KANK1: variants seen among roughly 807,000 people sequenced by gnomAD.
KANK1 encodes the protein KN motif and ankyrin repeat domains 1, also known as KN motif and ankyrin repeat domain-containing protein 1.
In KANK1, 109 loss-of-function variants were observed where a neutral mutation model predicts 106.2. The ratio of observed to expected loss-of-function variants is 1.03; its 90% CI spans 0.88 to 1.20. The LOEUF is 1.20. KANK1 is among the 50% of genes most tolerant of loss of function. KANK1 has a pLI of 0.00. For missense variants in KANK1, 2,399 were observed against 1,710.7 expected, an observed-to-expected ratio of 1.40 and a Z score of -7.10; for synonymous variants, 873 against 652.2, an observed-to-expected ratio of 1.34 and a Z score of -5.16.
chr9:601,302 G>C (rs138396525), intron 1 of KANK1, among the ~76,000 whole-genome samples: 1 of 151,742 alleles, frequency 6.6e-6, no homozygotes, highest in African/African-American at 2.4e-5. Context: ...GACCTTACTA[G>C]CATTCTATCC....
At chr9:738,916 C>T (rs1834560173) in intron 8 of KANK1, among the ~76,000 whole-genome samples, 1 of 152,182 alleles carries the variant, frequency 6.6e-6, no homozygotes, top group Non-Finnish European at 1.5e-5. Context: ...TTGATTTGAC[C>T]TTACTCCATG....
intron 1 of KANK1, among the ~76,000 whole-genome samples, chr9:625,295 A>T (rs10125751): frequency 0.031 from 4,759 of 152,264 alleles, 246 homozygotes; most frequent in African/African-American, 0.11. Flanking sequence ...AAAAACCGTT[A>T]AGTATTTATC....
At chr9:607,848 A>G (rs1265104110) in intron 1 of KANK1, among the ~76,000 whole-genome samples, 4 of 151,646 alleles carry the variant, frequency 2.6e-5, no homozygotes, top group South Asian at 2.1e-4. Flanking sequence ...AATTAGGCCA[A>G]TCTTTTGGAA....
intron 1 of KANK1, among the ~76,000 whole-genome samples, chr9:670,050 T>C (rs1448976271): frequency 2.0e-5 from 3 of 152,186 alleles, no homozygotes; most frequent in Non-Finnish European, 4.4e-5. Flanking sequence ...GCAAATATAT[T>C]TTTCAATTTC....
chr9:528,145 A>C (rs1053637180), intron 1 of KANK1, among the ~76,000 whole-genome samples: 1 of 151,990 alleles, frequency 6.6e-6, no homozygotes, highest in African/African-American at 2.4e-5. Flanking sequence ...TCGGGAAAAA[A>C]AAAAAAAAAA....
Position 711,513 on chromosome 9 carries a change from C to T in KANK1, c.747C>T (p.Ser249=), listed in dbSNP as rs1480765111. The T allele has an allele frequency of 1.2e-6, 2 of 1,613,852 alleles. No individual in the cohort carries two copies. The highest frequency in any genetic ancestry group is 8.5e-7 in the Non-Finnish European group (1 of 1,179,934). Residue 249 remains serine, a synonymous_variant, in exon 3 of 12, where the codon TCC becomes TCT. Coordinates refer to ENST00000382297, the MANE Select transcript of KANK1 (RefSeq NM_015158.5). ...ACAGCCCCCTGAGCTCAGGGATCTC[C>T]ACCCCAGTGACCAACGTGAGCCCCA... ...IRHSPLSSGI[S]TPVTNVSPMH...
chr9:501,624 A>G (rs980010676), upstream of KANK1, among the ~76,000 whole-genome samples: 5 of 151,832 alleles, frequency 3.3e-5, no homozygotes, highest in Admixed American at 6.6e-5. Context: ...ACACACACAC[A>G]CACACACACA....
intron 1 of KANK1, among the ~76,000 whole-genome samples, chr9:544,586 G>A (rs1012227061): frequency 5.3e-5 from 8 of 152,162 alleles, no homozygotes; most frequent in Non-Finnish European, 1.0e-4. Context: ...AACATATTTC[G>A]CTGGGGAACC....
At chr9:726,852 C>T (rs1054020686) in intron 3 of KANK1, among the ~76,000 whole-genome samples, 7 of 151,688 alleles carry the variant, frequency 4.6e-5, no homozygotes, top group Non-Finnish European at 8.8e-5. Flanking sequence ...CCCAGCTACT[C>T]GGGAGGCTGA....
At chr9:622,970 G>A (rs543878843) in intron 1 of KANK1, among the ~76,000 whole-genome samples, 15 of 152,092 alleles carry the variant, frequency 9.9e-5, no homozygotes, top group Middle Eastern at 3.4e-3. Flanking sequence ...AAAACACAGG[G>A]GAAAAAAGCT....
chr9:620,528 G>A (rs537748144), intron 1 of KANK1, among the ~76,000 whole-genome samples: 3 of 151,910 alleles, frequency 2.0e-5, no homozygotes, highest in East Asian at 1.9e-4. Context: ...TCTGCCTCCT[G>A]AGTAGCTGGG....
chr9:697,245 C>T (rs1217332382), intron 2 of KANK1, among the ~76,000 whole-genome samples: 1 of 152,124 alleles, frequency 6.6e-6, no homozygotes. Flanking sequence ...AGGCAGGGTC[C>T]AGGCCATGCC....
chr9:672,820 GAAAT>G lies in KANK1; in HGVS notation c.-83-4064_-83-4061del, dbSNP rs746252274. Among the ~76,000 whole-genome samples the G allele has an allele frequency of 9.9e-5, 15 of 152,126 alleles. 1 individual carries two copies. Among genetic ancestry groups the G allele is most frequent in the Admixed American group, 9.2e-4 (14 of 15,278 alleles). On this transcript the variant is annotated intron_variant, in intron 1 of 11. Transcript: ENST00000382297. ...ATGCATCAGCATCCTTCAGTCTCCCGAAATAAATAGACACAAAGACAAATTCTTT... is the reference window on the plus strand; with the variant it reads ...ATGCATCAGCATCCTTCAGTCTCCCGAAATAGACACAAAGACAAATTCTTT...
At position 731,441 on chromosome 9, in the gene KANK1, C is replaced by T. The variant is rs1384708319; in HGVS notation, c.3005+175C>T. 7 of 501,274 alleles carry T rather than the reference C, an allele frequency of 1.4e-5. No homozygotes were observed. In the Admixed American group the frequency reaches 2.5e-4, roughly 18 times the overall value. 31.1% of individuals were successfully genotyped at this position (501,274 alleles called of 1,614,324 possible). A position where few individuals can be genotyped will look rare whatever the true frequency, so the allele number is the denominator to read the frequency against. On this transcript the variant is annotated intron_variant, in intron 5 of 11. Coordinates refer to ENST00000382297, the MANE Select transcript of KANK1 (RefSeq NM_015158.5). ...CTTTGCTTTCCTCCTCTGGTGCTGT[C>T]TTTAAGGATTTGTCACTCTCTTAAG...
intron 1 of KANK1, among the ~76,000 whole-genome samples, chr9:513,407 G>T (rs2059120070): frequency 6.6e-6 from 1 of 152,144 alleles, no homozygotes; most frequent in African/African-American, 2.4e-5. Flanking sequence ...CTGTAACTCT[G>T]TTGGAGGTGT....
At chr9:698,204 T>C (rs1419966174) in intron 2 of KANK1, among the ~76,000 whole-genome samples, 3 of 152,190 alleles carry the variant, frequency 2.0e-5, no homozygotes, top group Non-Finnish European at 1.5e-5. Context: ...GAGACACTTG[T>C]TGGCTGTCAG....
At position 745,047 on chromosome 9, in the gene KANK1, G is replaced by C. The variant is rs1836830355; in HGVS notation, c.3997-126G>C. On this transcript the variant is annotated intron_variant, in intron 11 of 11. Coordinates refer to ENST00000382297, the MANE Select transcript of KANK1 (RefSeq NM_015158.5). ...GACACCTGTTCCCTGTTCTCAGCCA[G>C]AGCTCTCCTGGCTCGGGCTCACAGC... 14 of 1,521,310 alleles carry C rather than the reference G, an allele frequency of 9.2e-6. No homozygotes were observed. In the East Asian group the frequency reaches 3.0e-4, roughly 32 times the overall value. 94.2% of individuals were successfully genotyped at this position (1,521,310 alleles called of 1,614,324 possible).
intron 1 of KANK1, among the ~76,000 whole-genome samples, chr9:643,141 G>A (rs1251809806): frequency 6.6e-6 from 1 of 150,646 alleles, no homozygotes; most frequent in Non-Finnish European, 1.5e-5. Flanking sequence ...TTGAACCAAG[G>A]ATCTGTTGAA....
chr9:471,158 A>C (rs876577), intron 2 of KANK1, among the ~76,000 whole-genome samples: 3,756 of 152,268 alleles, frequency 0.025, 93 homozygotes, highest in African/African-American at 0.07. Flanking sequence ...TCTGATCATC[A>C]ATTATATCAT....
Sources: allele counts gnomAD v4.1 joint callset (sites outside exome capture counted in the v4.1 genomes callset), GRCh38; gene constraint gnomAD v4.1.1; transcripts MANE v1.5; gene names NCBI Gene and HGNC (gene_info 2026-07-23, HGNC 2026-07-21).